SIPA1L1: variants seen among roughly 807,000 people sequenced by gnomAD.
SIPA1L1 encodes signal induced proliferation associated 1 like 1.
A neutral mutation model predicts 162.7 loss-of-function variants in SIPA1L1; 26 were observed. The ratio of observed to expected loss-of-function variants is 0.16; its 90% CI spans 0.12 to 0.22. The LOEUF (loss-of-function observed/expected upper bound fraction) is 0.22, where lower values mean the gene tolerates loss of function less well. SIPA1L1 is among the 10% of genes least tolerant of loss of function. The probability of loss-of-function intolerance (pLI) is 1.00; values close to 1 mark genes in which losing one functional copy is unlikely to be tolerated. For missense variants in SIPA1L1, 1,874 were observed against 2,241.0 expected (o/e 0.84, Z 3.31); for synonymous variants, 829 against 837.4 (o/e 0.99, Z 0.17).
At chr14:71,618,176 A>G (rs2039041975) in intron 5 of SIPA1L1, among the ~76,000 whole-genome samples, 1 of 152,190 alleles carries the variant, frequency 6.6e-6, no homozygotes, top group African/African-American at 2.4e-5. Flanking sequence ...ATACCGTGCT[A>G]TGGCCCAGAG....
chr14:71,578,792 TA>T (rs1319278033), intron 4 of SIPA1L1, among the ~76,000 whole-genome samples: 2 of 152,228 alleles, frequency 1.3e-5, no homozygotes, highest in African/African-American at 4.8e-5. Flanking sequence ...CTCTTTCTTA[TA>T]AAATCCTGAC....
chr14:71,674,550 TTTTTTTTTTG>T (rs1232517977), intron 12 of SIPA1L1, among the ~76,000 whole-genome samples: 11 of 146,090 alleles, frequency 7.5e-5, no homozygotes, highest in South Asian at 2.2e-4. Flanking sequence ...AGCATTCCTG[TTTTTTTTTTG>T]TTTTTTTTTG....
chr14:71,470,428 T>C (rs1007386412), intron 2 of SIPA1L1, among the ~76,000 whole-genome samples: 35 of 152,204 alleles, frequency 2.3e-4, no homozygotes, highest in Admixed American at 3.9e-4. Context: ...TAAGTGACTG[T>C]GTAACTGGGG....
At chr14:71,367,552 C>T (rs368108018) in intron 2 of SIPA1L1, among the ~76,000 whole-genome samples, 7 of 151,416 alleles carry the variant, frequency 4.6e-5, no homozygotes, top group African/African-American at 1.5e-4. Context: ...TCGTGATCTG[C>T]CCGCCTCGGC....
chr14:71,387,125 G>C (rs553698937), intron 2 of SIPA1L1, among the ~76,000 whole-genome samples: 3 of 152,004 alleles, frequency 2.0e-5, no homozygotes, highest in Non-Finnish European at 2.9e-5. Flanking sequence ...GCGCATGCCT[G>C]TAATCCCAGC....
intron 2 of SIPA1L1, among the ~76,000 whole-genome samples, chr14:71,351,586 G>A (rs1303004594): frequency 1.3e-5 from 2 of 148,510 alleles, no homozygotes; most frequent in African/African-American, 5.0e-5. Context: ...GAGTGTAAGA[G>A]TTTCCTGTAT....
intron 2 of SIPA1L1, among the ~76,000 whole-genome samples, chr14:71,329,878 T>G (rs1469667972): frequency 6.6e-6 from 1 of 152,192 alleles, no homozygotes; most frequent in Non-Finnish European, 1.5e-5. Context: ...TTTTACTTTT[T>G]TGGGGAGAGG....
At chr14:71,728,114 C>G (rs2084412593) in intron 19 of SIPA1L1, among the ~76,000 whole-genome samples, 1 of 152,146 alleles carries the variant, frequency 6.6e-6, no homozygotes, top group South Asian at 2.1e-4. Flanking sequence ...TTTACTAAAA[C>G]CAGGGGTGCT....
chr14:71,557,314 T>G (rs1469060342), intron 4 of SIPA1L1, among the ~76,000 whole-genome samples: 1 of 152,236 alleles, frequency 6.6e-6, no homozygotes, highest in Non-Finnish European at 1.5e-5. Context: ...TTTCTTTCAT[T>G]AGTTTTGCTC....
chr14:71,522,314 T>G (rs2052437106), intron 3 of SIPA1L1, among the ~76,000 whole-genome samples: 1 of 152,198 alleles, frequency 6.6e-6, no homozygotes, highest in South Asian at 2.1e-4. Context: ...GATTTTTCAC[T>G]TGCTTCTTGT....
At chr14:71,408,805 A>G (rs1173104054) in intron 2 of SIPA1L1, among the ~76,000 whole-genome samples, 2 of 152,146 alleles carry the variant, frequency 1.3e-5, no homozygotes, top group East Asian at 3.9e-4. Flanking sequence ...TGTGTTGAGG[A>G]AGGGAGTGAG....
At chr14:71,678,713 G>T (rs1359807578) in intron 12 of SIPA1L1, among the ~76,000 whole-genome samples, 1 of 151,856 alleles carries the variant, frequency 6.6e-6, no homozygotes, top group Non-Finnish European at 1.5e-5. Context: ...CAGAAGGAAT[G>T]GTACCAGCTC....
At chr14:71,694,427 C>T (rs1389590679) in intron 13 of SIPA1L1, among the ~76,000 whole-genome samples, 1 of 151,844 alleles carries the variant, frequency 6.6e-6, no homozygotes, top group Non-Finnish European at 1.5e-5. Flanking sequence ...AGTCAAAAGA[C>T]TGTGGAAGTA....
Position 71,672,751 on chromosome 14 carries a change from T to C in SIPA1L1, c.3104+129T>C, listed in dbSNP as rs1432687651. On this transcript the variant is annotated intron_variant, in intron 12 of 23. Transcript: ENST00000381232. ...AATAGGTTACATGTGATGCTGAATG[T>C]TTCATCCATGGAGTCTGACTCAGGA... The C allele has an allele frequency of 2.9e-6, 3 of 1,036,296 alleles. No homozygotes were observed. In the Admixed American group the frequency reaches 7.7e-5, roughly 27 times the overall value. 64.2% of individuals were successfully genotyped at this position (1,036,296 alleles called of 1,614,324 possible).
At chr14:71,408,074 G>A (rs138653921) in intron 2 of SIPA1L1, among the ~76,000 whole-genome samples, 210 of 152,220 alleles carry the variant, frequency 1.4e-3, no homozygotes, top group Non-Finnish European at 2.5e-3. Flanking sequence ...GACTTTGATG[G>A]GTTCTGGAGA....
Position 71,460,852 on chromosome 14 carries a change from C to T in SIPA1L1, c.-464-51891C>T, listed in dbSNP as rs374806408. Among the ~76,000 whole-genome samples, 12 of 152,244 alleles carry T rather than the reference C, an allele frequency of 7.9e-5. No homozygotes were observed. The East Asian group carries it at 2.3e-3, about 29-fold the overall frequency. On this transcript the variant is annotated intron_variant, in intron 2 of 23. Transcript: ENST00000381232. ...CATGGCCTTCTGGAGAACTTTGCCC[C>T]ACCTCTACAAAGTATTGTCAGCTAG... is the stretch of plus-strand genomic sequence containing the variant.
intron 4 of SIPA1L1, among the ~76,000 whole-genome samples, chr14:71,576,295 A>G (rs984125377): frequency 1.2e-4 from 19 of 152,218 alleles, no homozygotes; most frequent in African/African-American, 4.6e-4. Context: ...AGTCTCGTCT[A>G]AGCTGCTGGG....
At chr14:71,496,756 G>C (rs887916390) in intron 2 of SIPA1L1, among the ~76,000 whole-genome samples, 1 of 151,256 alleles carries the variant, frequency 6.6e-6, no homozygotes, top group African/African-American at 2.4e-5. Flanking sequence ...TTGGTGCTCT[G>C]TTGTTAGGTT....
At chr14:71,550,288 G>A (rs2055689547) in intron 4 of SIPA1L1, among the ~76,000 whole-genome samples, 1 of 152,100 alleles carries the variant, frequency 6.6e-6, no homozygotes, top group Non-Finnish European at 1.5e-5. Flanking sequence ...AAAAGCCAAA[G>A]GGAAATGATG....
Sources: gnomAD v4.1 joint callset for allele counts (sites outside exome capture counted in the v4.1 genomes callset) on GRCh38, gnomAD v4.1.1 for gene constraint, MANE v1.5 for transcripts, NCBI Gene and HGNC (gene_info 2026-07-23, HGNC 2026-07-21) for gene names.